Variants in RILPL2 observed in about 807,000 individuals in gnomAD.
RILPL2 encodes the protein Rab interacting lysosomal protein like 2.
RILPL2 carries 19 observed loss-of-function variants against 22.2 expected under a neutral mutation model. That is an observed-to-expected ratio of 0.86 (90% CI 0.60 to 1.25). RILPL2 has a LOEUF of 1.25. RILPL2 is among the 50% of genes most tolerant of loss of function. The pLI is 0.00. For synonymous variants in RILPL2, 123 were observed against 111.6 expected (o/e 1.10, Z -0.64); for missense variants, 243 against 263.6 (o/e 0.92, Z 0.54).
intron 2 of RILPL2, among the ~76,000 whole-genome samples, chr12:123,426,661 C>T (rs1215723498): frequency 3.3e-5 from 5 of 152,090 alleles, no homozygotes; most frequent in Middle Eastern, 6.8e-3. Context: ...AGTGCAGTGG[C>T]GCGATCTCGG....
intron 2 of RILPL2, 152 bp from the exon 3 acceptor site, chr12:123,423,309 C>T (rs975179160): frequency 3.6e-6 from 2 of 554,774 alleles, no homozygotes; most frequent in Admixed American, 3.5e-5. Context: ...TCAAGTGATT[C>T]TCCTGCCTCT....
the RILPL2 span, among the ~76,000 whole-genome samples, chr12:123,409,520 C>T: frequency 1.3e-5 from 2 of 150,780 alleles, no homozygotes; most frequent in Non-Finnish European, 2.9e-5. Flanking sequence ...TACTGGGGAC[C>T]ATAGGGTATG....
At chr12:123,424,491 C>A (rs1879378317) in intron 2 of RILPL2, among the ~76,000 whole-genome samples, 1 of 152,024 alleles carries the variant, frequency 6.6e-6, no homozygotes, top group African/African-American at 2.4e-5. Flanking sequence ...ACCACCACGC[C>A]TGGCTAATTT....
rs763184692 is a variant in RILPL2 at position 123,436,665 on chromosome 12, G to A, written c.-245C>T. ...TGCGCTCCAGGATGTGGTTTGGGGC[G>A]CGAAGGGACAACGGAAAAGGAGGCA... On this transcript the variant is annotated 5_prime_UTR_variant, in exon 1 of 4. Transcript: ENST00000280571. The surrounding 1 kb of genome is among the most constrained non-coding windows in gnomAD (Gnocchi z 6.7). 2 of 602,904 alleles carry A rather than the reference G, an allele frequency of 3.3e-6. No homozygotes were observed. The highest frequency in any genetic ancestry group is 5.7e-6 in the Non-Finnish European group (2 of 353,822). The allele number at this position is 602,904 out of a possible 1,614,324, so 37.3% of individuals were successfully genotyped here.
At chr12:123,435,964 A>C in intron 1 of RILPL2, 118 bp downstream of exon 1, 1 of 1,382,860 alleles carries the variant, frequency 7.2e-7, no homozygotes, top group Non-Finnish European at 9.5e-7. Flanking sequence ...CCCATCTCTT[A>C]AAAAAAGAAA....
chr12:123,432,148 C>T (rs1409842832), intron 1 of RILPL2, among the ~76,000 whole-genome samples: 5 of 152,080 alleles, frequency 3.3e-5, no homozygotes, highest in Non-Finnish European at 7.3e-5. Context: ...GCGCCCACCT[C>T]GGCCTCCCAA....
At chr12:123,409,713 CCTTTTTTTTTTTTTT>C in the RILPL2 span, among the ~76,000 whole-genome samples, 2 of 113,388 alleles carry the variant, frequency 1.8e-5, no homozygotes, top group African/African-American at 8.5e-5. Context: ...CCACACCTGG[CCTTTTTTTTTTTTTT>C]TTTTTTTTTT....
At chr12:123,429,936 C>A (rs990622617) in intron 2 of RILPL2, among the ~76,000 whole-genome samples, 1 of 150,722 alleles carries the variant, frequency 6.6e-6, no homozygotes, top group African/African-American at 2.4e-5. Context: ...GGCAACATGG[C>A]GAGACCCTGT....
At chr12:123,431,643 G>A (rs1275760313) in intron 1 of RILPL2, among the ~76,000 whole-genome samples, 1 of 151,870 alleles carries the variant, frequency 6.6e-6, no homozygotes, top group Non-Finnish European at 1.5e-5. Context: ...CTAACGCGGT[G>A]AAACCCCGTC....
In RILPL2 at chr12:123,421,824, C is replaced by T. The variant is rs1267393655; in HGVS notation, c.605+1220G>A. On this transcript the variant is annotated intron_variant, in intron 3 of 3. Coordinates refer to ENST00000280571, the MANE Select transcript of RILPL2 (RefSeq NM_145058.3). ...GTGGGATTACAGGCATCTGCCATCA[C>T]GCCCGGCTAATTTTTGGATTTTTAG... Among the ~76,000 whole-genome samples the T allele has an allele frequency of 4.0e-5, 6 of 151,896 alleles. No homozygotes were observed. The South Asian group carries it at 8.3e-4, about 21-fold the overall frequency.
intron 1 of RILPL2, among the ~76,000 whole-genome samples, chr12:123,434,243 A>G (rs550471019): frequency 6.6e-6 from 1 of 151,688 alleles, no homozygotes; most frequent in East Asian, 2.0e-4. Flanking sequence ...ACATGGTGAG[A>G]CCCCCATCTC....
chr12:123,426,491 CAAG>C (rs1210467063), intron 2 of RILPL2, among the ~76,000 whole-genome samples: 1 of 152,146 alleles, frequency 6.6e-6, no homozygotes, highest in Non-Finnish European at 1.5e-5. Context: ...AATGATTTAA[CAAG>C]AAGCATCATC....
chr12:123,436,326 C>T lies in RILPL2; in HGVS notation c.95G>A (p.Ser32Asn), dbSNP rs1433492491. The T allele has an allele frequency of 6.3e-7, 1 of 1,577,252 alleles. No individual in the cohort carries two copies. Among genetic ancestry groups the T allele is most frequent in the East Asian group, 2.3e-5 (1 of 42,698 alleles). The stretch of plus-strand genomic sequence containing the variant: ...GTCCTCGGCGGTCAGCTGGAAGGGG[C>T]TCTTGCCCAGCGCCCCCTCGGGCCC... Reference protein sequence around the residue: ...EVGPEGALGKSPFQLTAEDVY... With the variant: ...EVGPEGALGKNPFQLTAEDVY... Residue 32 changes from serine to asparagine, a missense_variant, in exon 1 of 4, where the codon AGC (serine) becomes AAC (asparagine). Ser to Asn is a conservative substitution (Grantham distance 46, BLOSUM62 1). Coordinates refer to ENST00000280571, the MANE Select transcript of RILPL2 (RefSeq NM_145058.3). This position sits in a 1 kb window ranked among gnomAD's most constrained non-coding sequence, Gnocchi z 6.7.
At chr12:123,418,254 G>T (rs58491161) in intron 3 of RILPL2, among the ~76,000 whole-genome samples, 4 of 152,042 alleles carry the variant, frequency 2.6e-5, no homozygotes, top group African/African-American at 7.2e-5. Flanking sequence ...TCTTCCTTCC[G>T]GTCTTTAATG....
intron 2 of RILPL2, among the ~76,000 whole-genome samples, chr12:123,424,003 TCA>T (rs1879365511): frequency 6.6e-6 from 1 of 152,138 alleles, no homozygotes. Context: ...TTCAAGCTTC[TCA>T]GTTTTCTAGG....
At chr12:123,430,371 T>A (rs553230007) in intron 2 of RILPL2, 137 bp downstream of exon 2, 1 of 733,838 alleles carries the variant, frequency 1.4e-6, no homozygotes, top group South Asian at 2.4e-5. Context: ...ATCGCGCCAC[T>A]GCACTCCAGC....
chr12:123,422,225 T>TA (rs34372731), intron 3 of RILPL2, among the ~76,000 whole-genome samples: 50,656 of 145,808 alleles, frequency 0.35, 9,370 homozygotes, highest in East Asian at 0.69. Flanking sequence ...ACCAGCTAAT[T>TA]AAAAAAAAAA....
At chr12:123,409,714 C>CTTTTTTTTTT in the RILPL2 span, among the ~76,000 whole-genome samples, 1 of 90,586 alleles carries the variant, frequency 1.1e-5, no homozygotes, top group African/African-American at 5.5e-5. Flanking sequence ...CACACCTGGC[C>CTTTTTTTTTT]TTTTTTTTTT....
rs1416536051 is a variant in RILPL2 at position 123,418,760 on chromosome 12, T to C, written c.606-2839A>G. Among the ~76,000 whole-genome samples, 295 of 141,620 alleles carry C rather than the reference T, an allele frequency of 2.1e-3. 2 individuals are homozygous for C. The highest frequency in any genetic ancestry group is 2.6e-3 in the Admixed American group (36 of 14,062). 92.9% of individuals were successfully genotyped at this position (141,620 alleles called of 152,430 possible). A position where few individuals can be genotyped will look rare whatever the true frequency, so the allele number is the denominator to read the frequency against. ...GATTTCTTTTTCTTTTTCTTTCTTT[T>C]TTTTTTTTTTTTTTTTTTTGAGACA... On this transcript the variant is annotated intron_variant, in intron 3 of 3. Coordinates refer to ENST00000280571, the MANE Select transcript of RILPL2 (RefSeq NM_145058.3).
Sources: allele counts gnomAD v4.1 joint callset (sites outside exome capture counted in the v4.1 genomes callset), GRCh38; gene constraint gnomAD v4.1.1; non-coding constraint Gnocchi (gnomAD v3.1); transcripts MANE v1.5; gene names NCBI Gene and HGNC (gene_info 2026-07-23, HGNC 2026-07-21).